SH3RF1: variants seen among roughly 807,000 people sequenced by gnomAD.
The protein encoded by SH3RF1 is E3 ubiquitin-protein ligase SH3RF1.
A neutral mutation model predicts 74.0 loss-of-function variants in SH3RF1; 32 were observed. The observed-to-expected ratio is 0.43, with a 90% CI of 0.33 to 0.58. SH3RF1 has a LOEUF of 0.58. Among genes scored for constraint, SH3RF1 ranks in the 20% least tolerant of loss-of-function variants. The pLI, the probability that SH3RF1 is intolerant of heterozygous loss-of-function variation, is 0.05. For missense variants in SH3RF1, 954 were observed against 1,130.9 expected (o/e 0.84, Z 2.24); for synonymous variants, 396 against 439.6 (o/e 0.90, Z 1.24).
At chr4:169,138,462 T>C (rs770537490) in intron 4 of SH3RF1, among the ~76,000 whole-genome samples, 1 of 152,216 alleles carries the variant, frequency 6.6e-6, no homozygotes, top group Non-Finnish European at 1.5e-5. Flanking sequence ...TCTTCCACCA[T>C]AAGCTTATTT....
intron 10 of SH3RF1, among the ~76,000 whole-genome samples, chr4:169,115,539 G>C (rs1733317909): frequency 1.3e-5 from 2 of 152,040 alleles, no homozygotes; most frequent in African/African-American, 2.4e-5. Context: ...ATGCCCAGGT[G>C]GGACCATCTA....
rs78567485 is a variant in SH3RF1, at chr4:169,230,426, T to C, written c.393+38394A>G. ...TTCATACAGAGTAATAAATACTCAATTAAAAGGAATTAAGGTTAATTCTAA... is the reference window on the plus strand; with the variant it reads ...TTCATACAGAGTAATAAATACTCAACTAAAAGGAATTAAGGTTAATTCTAA... On this transcript the variant is annotated intron_variant, in intron 2 of 11. Transcript: ENST00000284637. 7.5e-3 allele frequency among the ~76,000 whole-genome samples: 1,142 copies of C among 152,264 alleles called. 20 individuals are homozygous for C. Among genetic ancestry groups the C allele is most frequent in the African/African-American group, 0.026 (1,093 of 41,558 alleles).
At chr4:169,122,616 C>A (rs963831568) in intron 6 of SH3RF1, among the ~76,000 whole-genome samples, 4 of 152,128 alleles carry the variant, frequency 2.6e-5, no homozygotes, top group African/African-American at 9.7e-5. Flanking sequence ...CCTTTCGAGG[C>A]GGGTAGCCAT....
At chr4:169,205,255 T>C (rs1258113001) in intron 2 of SH3RF1, among the ~76,000 whole-genome samples, 1 of 152,248 alleles carries the variant, frequency 6.6e-6, no homozygotes, top group Non-Finnish European at 1.5e-5. Flanking sequence ...TCTAGCTTTT[T>C]TGCATATGCT....
chr4:169,199,268 A>C (rs1734869481), intron 2 of SH3RF1, among the ~76,000 whole-genome samples: 1 of 152,210 alleles, frequency 6.6e-6, no homozygotes, highest in Non-Finnish European at 1.5e-5. Flanking sequence ...TACAATTTCT[A>C]CGTTTAGAAA....
At chr4:169,217,499 C>T (rs1730486860) in intron 2 of SH3RF1, 2 of 152,196 alleles carry the variant, frequency 1.3e-5, no homozygotes, top group Non-Finnish European at 2.9e-5. Context: ...CAAAAGGGCC[C>T]AGGACACGAG....
chr4:169,236,715 T>C (rs1406303423), intron 2 of SH3RF1, among the ~76,000 whole-genome samples: 1 of 152,192 alleles, frequency 6.6e-6, no homozygotes, highest in African/African-American at 2.4e-5. Flanking sequence ...AGCTAACTCA[T>C]GGATATCATT....
At chr4:169,161,242 G>C (rs1734144664) in intron 2 of SH3RF1, among the ~76,000 whole-genome samples, 1 of 152,188 alleles carries the variant, frequency 6.6e-6, no homozygotes, top group African/African-American at 2.4e-5. Flanking sequence ...ATTTAGACAG[G>C]CAAACTGTTA....
intron 2 of SH3RF1, among the ~76,000 whole-genome samples, chr4:169,221,017 A>G (rs1333405847): frequency 6.6e-6 from 1 of 152,228 alleles, no homozygotes; most frequent in East Asian, 1.9e-4. Flanking sequence ...TCGTGTCGAA[A>G]GAGTTGAACA....
chr4:169,127,261 A>G (rs1427085966), intron 6 of SH3RF1, among the ~76,000 whole-genome samples: 1 of 152,218 alleles, frequency 6.6e-6, no homozygotes, highest in African/African-American at 2.4e-5. Context: ...AGATTTAAAA[A>G]TCTCAATTCA....
At chr4:169,177,235 AC>A (rs1461960580) in intron 2 of SH3RF1, among the ~76,000 whole-genome samples, 2 of 152,206 alleles carry the variant, frequency 1.3e-5, no homozygotes, top group Middle Eastern at 3.2e-3. Context: ...TGCCTGGTAA[AC>A]AGAAGAATAC....
At chr4:169,135,944 G>A (rs1733691894) in intron 5 of SH3RF1, among the ~76,000 whole-genome samples, 1 of 152,184 alleles carries the variant, frequency 6.6e-6, no homozygotes, top group Admixed American at 6.5e-5. Context: ...CACGAGTTTG[G>A]ACCATGGCAT....
At chr4:169,219,266 G>A (rs757652069) in intron 2 of SH3RF1, among the ~76,000 whole-genome samples, 12 of 152,120 alleles carry the variant, frequency 7.9e-5, no homozygotes, top group Non-Finnish European at 1.0e-4. Flanking sequence ...TAAATCATCA[G>A]GAGAGGGTTA....
chr4:169,210,587 T>C (rs1730341102), intron 2 of SH3RF1, among the ~76,000 whole-genome samples: 2 of 152,214 alleles, frequency 1.3e-5, no homozygotes, highest in South Asian at 4.1e-4. Context: ...CATAATAACA[T>C]GTTAAATTAA....
At position 169,117,519 on chromosome 4, in the gene SH3RF1, T is replaced by C; in HGVS notation, c.1777+4A>G. On this transcript the variant is annotated splice_donor_region_variant and intron_variant, in intron 9 of 11. Coordinates refer to ENST00000284637, the MANE Select transcript of SH3RF1 (RefSeq NM_020870.4). ...GATATGTTCTGGCCTGGGTTCCTCC[T>C]TACCTGTCCTCACAGCATTGCGGGC... 6.2e-7 allele frequency: 1 copy of C among 1,613,514 alleles called. No homozygotes were observed. Among genetic ancestry groups the C allele is most frequent in the African/African-American group, 1.3e-5 (1 of 75,068 alleles).
intron 6 of SH3RF1, among the ~76,000 whole-genome samples, chr4:169,123,107 A>C (rs1733467841): frequency 6.6e-6 from 1 of 152,196 alleles, no homozygotes; most frequent in Admixed American, 6.5e-5. Flanking sequence ...TAGATGTAAA[A>C]ACTAAGTCAA....
At chr4:169,120,711 T>A in intron 8 of SH3RF1, 108 bp downstream of exon 8, 1 of 1,087,938 alleles carries the variant, frequency 9.2e-7, no homozygotes, top group Non-Finnish European at 1.3e-6. Context: ...ACCTTGGCTA[T>A]GTAACAGGCA....
chr4:169,163,401 G>A (rs891964106), intron 2 of SH3RF1, among the ~76,000 whole-genome samples: 1 of 152,148 alleles, frequency 6.6e-6, no homozygotes, highest in Non-Finnish European at 1.5e-5. Flanking sequence ...AGGAGAACCT[G>A]AGGCAGCACT....
At chr4:169,223,343 C>T (rs568279748) in intron 2 of SH3RF1, among the ~76,000 whole-genome samples, 1 of 152,272 alleles carries the variant, frequency 6.6e-6, no homozygotes, top group East Asian at 1.9e-4. Context: ...TATGAGAGTT[C>T]TGAGGCACTG....
Sources: gnomAD v4.1 joint callset for allele counts (sites outside exome capture counted in the v4.1 genomes callset) on GRCh38, gnomAD v4.1.1 for gene constraint, MANE v1.5 for transcripts, NCBI Gene and HGNC (gene_info 2026-07-23, HGNC 2026-07-21) for gene names.